Variants in HR observed in about 807,000 individuals in gnomAD.
HR encodes the protein HR lysine demethylase and nuclear receptor corepressor.
Under a neutral mutation model 128.6 loss-of-function variants are expected in HR, and 83 were observed. The observed-to-expected ratio is 0.65, with a 90% confidence interval of 0.54 to 0.77. HR has a LOEUF of 0.77. Among genes scored for constraint, HR ranks in the 30% least tolerant of loss-of-function variants. The probability of loss-of-function intolerance (pLI) is 0.00; values close to 1 mark genes in which losing one functional copy is unlikely to be tolerated. For synonymous variants in HR, 681 were observed against 658.2 expected (o/e 1.03, Z -0.53); for missense variants, 1,490 against 1,574.6 (o/e 0.95, Z 0.91).
intron 6 of HR, 50 bp from the exon 7 acceptor site, chr8:22,122,929 CAGGTTA>C: frequency 6.6e-7 from 1 of 1,515,970 alleles, no homozygotes; most frequent in Middle Eastern, 1.7e-4. Flanking sequence ...AAGGTAATCA[CAGGTTA>C]AGGTCAGAGA....
At chr8:22,128,358 A>AG in intron 2 of HR, 1 of 682,436 alleles carries the variant, frequency 1.5e-6, no homozygotes, top group African/African-American at 1.8e-5. Context: ...ACCCGAGGGC[A>AG]GGGGAGGCCT....
rs73549518 is a variant in HR, at chr8:22,125,611, C to T, written c.1527G>A (p.Gly509=). ...SCAQAAGEGG[G]HACHSQQVRR... is the part of the protein sequence containing the mutation. ...GCACTTGCTGAGAGTGGCAGGCGTG[C>T]CCTCCTCCCTCTCCAGCTGCCTGGG... The change falls in exon 4 of 19, where the codon GGG becomes GGA. Residue 509 remains glycine, a synonymous_variant. Transcript: ENST00000381418. 4.8e-4 allele frequency: 767 copies of T among 1,605,538 alleles called. No homozygotes were observed. The Middle Eastern group carries it at 5.9e-3, about 12-fold the overall frequency.
rs774890334 is a variant in HR at position 22,128,936 on chromosome 8, C to T, written c.235G>A (p.Glu79Lys). The change falls in exon 2 of 19, where the codon GAG (glutamate) becomes AAG (lysine). Residue 79 changes from glutamate to lysine, a missense_variant. Glu to Lys is a moderately conservative substitution (Grantham distance 56). Around this residue, in one of 3 missense-constraint regions of HR, gnomAD observed 1,060 missense variants for 1,060.9 expected, o/e 1.00. Transcript: ENST00000381418. ...PKDMLPLVEG[E>K]GPQNGERKVN... ...TTCCTCTCCCCATTCTGGGGGCCCT[C>T]GCCCTCCACAAGTGGGAGCATGTCC... The T allele has an allele frequency of 4.3e-6, 7 of 1,613,470 alleles. No homozygotes were observed. The highest frequency in any genetic ancestry group is 3.3e-5 in the South Asian group (3 of 91,086).
At chr8:22,121,534 C>G (rs1185066789) in intron 9 of HR, 79 bp downstream of exon 9, 4 of 1,476,194 alleles carry the variant, frequency 2.7e-6, no homozygotes, top group Non-Finnish European at 3.8e-6. Context: ...CCGGAGACTT[C>G]CGCGACTGTC....
rs190734337 is a variant in HR, at chr8:22,118,847, G to A, written c.3213+103C>T. The A allele has an allele frequency of 2.2e-3, 2,121 of 958,556 alleles. 4 individuals are homozygous for A. The highest frequency in any genetic ancestry group is 2.6e-3 in the Non-Finnish European group (1,596 of 613,562). 59.4% of individuals were successfully genotyped at this position (958,556 alleles called of 1,614,324 possible). Reference sequence around the variant, plus strand: ...GGGTCTGTGCAGCTCACCTGAGGGCGTGGGGCAGGGAGCGAGCACATGGGA... The same window carrying A: ...GGGTCTGTGCAGCTCACCTGAGGGCATGGGGCAGGGAGCGAGCACATGGGA... On this transcript the variant is annotated intron_variant, in intron 16 of 18. Transcript: ENST00000381418.
intron 9 of HR, 126 bp downstream of exon 9, chr8:22,121,484 AGTG>A (rs1826751352): frequency 2.0e-6 from 2 of 991,382 alleles, no homozygotes; most frequent in Non-Finnish European, 3.2e-6. Context: ...TGAGGGGAGT[AGTG>A]GAGATTATTG....
At chr8:22,127,006 C>A (rs775466583) in intron 3 of HR, 31 bp downstream of exon 3, 3 of 1,596,318 alleles carry the variant, frequency 1.9e-6, no homozygotes, top group South Asian at 2.2e-5. Context: ...CCCTCCCACG[C>A]AGGGCCTGCA....
Position 22,125,467 on chromosome 8 carries a change from T to G in HR, c.1594A>C (p.Thr532Pro). ...TCCTCAGAGCTGGAGTTGGTGGCTG[T>G]GTCTTCCTCCTGCTGCAGCTCCCCT... ...LGGELQQEED[T>P]ATNSSSEEGP... The change falls in exon 5 of 19, where the codon ACA becomes CCA. Residue 532 changes from threonine (T) to proline (P), a missense_variant. Physicochemically the swap from Thr to Pro is conservative, Grantham distance 38. Coordinates refer to ENST00000381418, the MANE Select transcript of HR (RefSeq NM_005144.5). The G allele has an allele frequency of 2.5e-6, 4 of 1,613,572 alleles. No homozygotes were observed. The highest frequency in any genetic ancestry group is 3.4e-6 in the Non-Finnish European group (4 of 1,180,022).
At position 22,114,649 on chromosome 8, in the gene HR, G is replaced by C. The variant is rs1011346375; in HGVS notation, c.*1051C>G. 1 of 152,434 alleles carries C rather than the reference G, an allele frequency of 6.6e-6. No homozygotes were observed. Among genetic ancestry groups the C allele is most frequent in the Non-Finnish European group, 1.5e-5 (1 of 68,110 alleles). 9.4% of individuals were successfully genotyped at this position (152,434 alleles called of 1,614,324 possible). ...TCCCAGGGTGGCTGGGCCTGGCGTCGGCCATGGCCACTGCCACCAAGGGCA... is the reference window on the plus strand; with the variant it reads ...TCCCAGGGTGGCTGGGCCTGGCGTCCGCCATGGCCACTGCCACCAAGGGCA... On this transcript the variant is annotated 3_prime_UTR_variant, in exon 19 of 19. Coordinates refer to ENST00000381418, the MANE Select transcript of HR (RefSeq NM_005144.5).
intron 11 of HR, 52 bp downstream of exon 11, chr8:22,120,664 G>A (rs1245767521): frequency 2.4e-5 from 36 of 1,524,938 alleles, no homozygotes; most frequent in African/African-American, 5.5e-5. Flanking sequence ...CCAAGGCCCC[G>A]AGGGGCAGGT....
Position 22,127,566 on chromosome 8 carries a change from G to A in HR, c.876C>T (p.Asn292=), listed in dbSNP as rs200912140. ...TCCCATCGCCTGGCCCAGCCCAGAC[G>A]TTGCCAAGAGTATGAACAAGGCCTG... The part of the protein sequence containing the change: ...CPPGLVHTLG[N]VWAGPGDGNL... The change falls in exon 3 of 19, where the codon AAC becomes AAT. Residue 292 remains asparagine, a synonymous_variant. Coordinates refer to ENST00000381418, the MANE Select transcript of HR (RefSeq NM_005144.5). 2.1e-5 allele frequency: 34 copies of A among 1,612,788 alleles called. No homozygotes were observed. In the East Asian group the frequency reaches 4.2e-4, roughly 20 times the overall value.
rs1011616026 is a variant in HR, at chr8:22,116,559, A to G, written c.3379-131T>C. Reference sequence around the variant, plus strand: ...TGGCTCTCAGAGAGCAGATTCCTGGATGCACCACTGGACACCTCAAAGCCT... The same window carrying G: ...TGGCTCTCAGAGAGCAGATTCCTGGGTGCACCACTGGACACCTCAAAGCCT... On this transcript the variant is annotated intron_variant, in intron 17 of 18. Transcript: ENST00000381418. This position sits in a 1 kb window ranked among gnomAD's most constrained non-coding sequence, Gnocchi z 4.2. 3 of 1,263,464 alleles carry G rather than the reference A, an allele frequency of 2.4e-6. No homozygotes were observed. In the African/African-American group the frequency reaches 4.8e-5, roughly 20 times the overall value. The allele number at this position is 1,263,464 out of a possible 1,614,324, so 78.3% of individuals were successfully genotyped here. A position where few individuals can be genotyped will look rare whatever the true frequency, so the allele number is the denominator to read the frequency against.
intron 2 of HR, 152 bp from the exon 3 acceptor site, chr8:22,127,981 C>T (rs1232213717): frequency 1.5e-5 from 12 of 798,778 alleles, no homozygotes; most frequent in Non-Finnish European, 2.1e-5. Context: ...TCTGGAGTGC[C>T]TCTGACACTG....
At chr8:22,123,892 A>G (rs1826822282) in intron 5 of HR, 79 bp from the exon 6 acceptor site, 6 of 1,483,842 alleles carry the variant, frequency 4.0e-6, no homozygotes, top group African/African-American at 2.8e-5. Flanking sequence ...GAAGGATCCA[A>G]GGAGGGGCAG....
chr8:22,123,857 G>A (rs1361181018), intron 5 of HR, 44 bp from the exon 6 acceptor site: 2 of 1,566,266 alleles, frequency 1.3e-6, no homozygotes, highest in Non-Finnish European at 1.7e-6. Context: ...GAAGGCAACA[G>A]GCCCCAATGG....
chr8:22,127,435 C>T lies in HR; in HGVS notation c.1007G>A (p.Gly336Glu). Residue 336 changes from glycine to glutamate, a missense_variant, in exon 3 of 19, where the codon GGG becomes GAG. Around this residue, in one of 3 missense-constraint regions of HR, gnomAD observed 1,060 missense variants for 1,060.9 expected, o/e 1.00. Transcript: ENST00000381418. ...CCSSYPPTKG[G>E]GLGPCGKCQE... ...GCACTTCCCACAAGGGCCAAGACCC[C>T]CACCTTTAGTGGGTGGGTAGGATGA... 6.2e-7 allele frequency: 1 copy of T among 1,612,340 alleles called. No individual in the cohort carries two copies. The highest frequency in any genetic ancestry group is 8.5e-7 in the Non-Finnish European group (1 of 1,179,162).
intron 2 of HR, 197 bp downstream of exon 2, chr8:22,128,362 G>A: frequency 2.9e-6 from 2 of 694,968 alleles, no homozygotes; most frequent in Non-Finnish European, 4.9e-6. Flanking sequence ...GAGGGCAGGG[G>A]AGGCCTAGAG....
At chr8:22,119,723 G>A in intron 14 of HR, 37 bp downstream of exon 14, 1 of 1,581,180 alleles carries the variant, frequency 6.3e-7, no homozygotes, top group Non-Finnish European at 8.6e-7. Flanking sequence ...AGACAGGCAT[G>A]GGAGTAGAGA....
chr8:22,116,381 G>A lies in HR; in HGVS notation c.3426C>T (p.Ser1142=), dbSNP rs374306253. ...STVSVTQHFL[S]PETSALSAQL... ...GAGCAGAGAGGGCAGAGGTCTCAGGGGAGAGGAAGTGCTGAGTGACGCTGA... is the reference window on the plus strand; with the variant it reads ...GAGCAGAGAGGGCAGAGGTCTCAGGAGAGAGGAAGTGCTGAGTGACGCTGA... Residue 1142 remains serine (S), a synonymous_variant, in exon 18 of 19, where the codon TCC becomes TCT. Transcript: ENST00000381418. The surrounding 1 kb of genome is among the most constrained non-coding windows in gnomAD (Gnocchi z 4.2). 19 of 1,613,568 alleles carry A rather than the reference G, an allele frequency of 1.2e-5. No individual in the cohort carries two copies. Among genetic ancestry groups the A allele is most frequent in the Non-Finnish European group, 1.5e-5 (18 of 1,179,958 alleles).
Sources: gnomAD v4.1 joint callset for allele counts on GRCh38, gnomAD v4.1.1 for gene constraint, gnomAD v4.1.1 regional missense constraint, Gnocchi (gnomAD v3.1) non-coding constraint, MANE v1.5 for transcripts, NCBI Gene and HGNC (gene_info 2026-07-23, HGNC 2026-07-21) for gene names.